AMZ1: variants seen among roughly 807,000 people sequenced by gnomAD.
AMZ1 encodes archaelysin family metallopeptidase 1.
Under a neutral mutation model 29.9 loss-of-function variants are expected in AMZ1, and 39 were observed. The observed-to-expected ratio is 1.30, with a 90% confidence interval of 1.01 to 1.70. The LOEUF is 1.70. AMZ1 is among the 40% of genes most tolerant of loss of function. The probability of loss-of-function intolerance (pLI) is 0.00; values close to 1 mark genes in which losing one functional copy is unlikely to be tolerated. For synonymous variants in AMZ1, 458 were observed against 304.0 expected, an observed-to-expected ratio of 1.51 and a Z score of -5.27; for missense variants, 1,041 against 680.6, an observed-to-expected ratio of 1.53 and a Z score of -5.89.
At chr7:2,720,699 C>A (rs1029211163), downstream of AMZ1, among the ~76,000 whole-genome samples, 1 of 151,358 alleles carries the variant, frequency 6.6e-6, no homozygotes, top group East Asian at 1.9e-4. Flanking sequence ...CTGCGCCCAG[C>A]CTTTAAAAAA....
At chr7:2,709,536 G>A in intron 5 of AMZ1, 104 bp from the exon 6 acceptor site, 32 of 1,480,612 alleles carry the variant, frequency 2.2e-5, no homozygotes, top group Non-Finnish European at 2.6e-5. Context: ...CCGGCCATCT[G>A]GCCTCACCCA....
chr7:2,737,812 T>C (rs1421528590), intron 4 of AMZ1, among the ~76,000 whole-genome samples: 1 of 152,228 alleles, frequency 6.6e-6, no homozygotes, highest in African/African-American at 2.4e-5. Context: ...TTTCATTACT[T>C]AATAAATAAA....
chr7:2,751,077 A>G (rs1222322919), intron 4 of AMZ1, among the ~76,000 whole-genome samples: 1 of 152,146 alleles, frequency 6.6e-6, no homozygotes, highest in Non-Finnish European at 1.5e-5. Flanking sequence ...TTTCGGGGAG[A>G]AATCTGTTGC....
intron 4 of AMZ1, among the ~76,000 whole-genome samples, chr7:2,736,270 G>A (rs1790170232): frequency 6.6e-6 from 1 of 152,198 alleles, no homozygotes; most frequent in African/African-American, 2.4e-5. Context: ...GGCTGCTGCG[G>A]TCACACGATC....
chr7:2,763,165 G>A (rs376226502), upstream of AMZ1: 44 of 1,084,808 alleles, frequency 4.1e-5, no homozygotes, highest in South Asian at 1.6e-3. Flanking sequence ...CTGACAAGAG[G>A]TTAGCAGGAC....
At chr7:2,697,998 CA>C (rs1360799749) in intron 1 of AMZ1, among the ~76,000 whole-genome samples, 2 of 152,050 alleles carry the variant, frequency 1.3e-5, no homozygotes, top group East Asian at 3.9e-4. Flanking sequence ...ACATTTTCCC[CA>C]AAAGAAAATA....
intron 4 of AMZ1, among the ~76,000 whole-genome samples, chr7:2,736,198 C>A (rs964477711): frequency 1.3e-5 from 2 of 152,144 alleles, no homozygotes; most frequent in African/African-American, 4.8e-5. Context: ...ATGAAATTAA[C>A]CGCTTGGTGG....
Position 2,699,291 on chromosome 7 carries a change from C to T in AMZ1, c.-218-943C>T, listed in dbSNP as rs141037215. On this transcript the variant is annotated intron_variant, in intron 1 of 6. Transcript: ENST00000683327. ...TGGGGTTGCCTAGCTGCTGCTGCTC[C>T]GGTCAGAGCATCTGTTTTGCAGGGC... is the stretch of plus-strand genomic sequence containing the variant. 6.2e-3 allele frequency among the ~76,000 whole-genome samples: 950 copies of T among 152,286 alleles called. 6 individuals carry two copies. The highest frequency in any genetic ancestry group is 0.026 in the South Asian group (125 of 4,826).
At chr7:2,721,007 G>T (rs140776884), downstream of AMZ1, among the ~76,000 whole-genome samples, 272 of 152,346 alleles carry the variant, frequency 1.8e-3, 3 homozygotes, top group African/African-American at 6.1e-3. Context: ...GAATGTCACA[G>T]CATGTTTCCT....
intron 4 of AMZ1, chr7:2,733,380 G>T: frequency 2.4e-6 from 3 of 1,252,078 alleles, no homozygotes; most frequent in South Asian, 2.5e-5. Context: ...TCACAACGTG[G>T]ACTGCTTTGG....
At chr7:2,748,164 A>C (rs1324358155) in intron 4 of AMZ1, among the ~76,000 whole-genome samples, 3 of 150,812 alleles carry the variant, frequency 2.0e-5, no homozygotes, top group Non-Finnish European at 4.4e-5. Flanking sequence ...AACTACTTTA[A>C]AGTTCATATG....
intron 1 of AMZ1, chr7:2,765,021 T>C (rs1791745851): frequency 6.6e-6 from 1 of 152,166 alleles, no homozygotes; most frequent in Non-Finnish European, 1.5e-5. Flanking sequence ...AACCTTTCCT[T>C]AAAGGAAAGG....
At chr7:2,705,513 A>G (rs1788301855) in intron 3 of AMZ1, among the ~76,000 whole-genome samples, 1 of 152,124 alleles carries the variant, frequency 6.6e-6, no homozygotes, top group South Asian at 2.1e-4. Flanking sequence ...TCTACCGGCC[A>G]CCAAACCTTT....
chr7:2,704,527 T>C (rs1302504848), intron 3 of AMZ1, among the ~76,000 whole-genome samples: 2 of 151,668 alleles, frequency 1.3e-5, no homozygotes, highest in Admixed American at 1.3e-4. Context: ...CTAATTTCAG[T>C]TGTCATGTTT....
chr7:2,743,856 C>A (rs902643917), intron 4 of AMZ1, among the ~76,000 whole-genome samples: 1 of 152,044 alleles, frequency 6.6e-6, no homozygotes, highest in Non-Finnish European at 1.5e-5. Flanking sequence ...GCTTAAAAAA[C>A]GGCACACCAG....
At chr7:2,722,416 G>A (rs561875591), downstream of AMZ1, among the ~76,000 whole-genome samples, 109 of 152,216 alleles carry the variant, frequency 7.2e-4, no homozygotes, top group Non-Finnish European at 1.2e-3. Context: ...GGGACTACAG[G>A]CGCCCGCCAC....
Position 2,709,185 on chromosome 7 carries a change from C to T in AMZ1, c.712C>T (p.Leu238=), listed in dbSNP as rs1242310856. 2 of 1,539,114 alleles carry T rather than the reference C, an allele frequency of 1.3e-6. No individual in the cohort carries two copies. Among genetic ancestry groups the T allele is most frequent in the Non-Finnish European group, 1.7e-6 (2 of 1,144,986 alleles). ...AGCAGCAGACGGCCCCGAGGCCCCCCTGCAGGACAGGGGCTGGGCCCTGTG... is the reference window on the plus strand; with the variant it reads ...AGCAGCAGACGGCCCCGAGGCCCCCTTGCAGGACAGGGGCTGGGCCCTGTG... ...EAAADGPEAP[L]QDRGWALCFS... Residue 238 remains leucine, a synonymous_variant, in exon 5 of 7, where the codon CTG becomes TTG. Transcript: ENST00000683327.
intron 3 of AMZ1, among the ~76,000 whole-genome samples, chr7:2,704,588 C>CT (rs60811216): frequency 0.027 from 2,297 of 83,814 alleles, 718 homozygotes; most frequent in African/African-American, 0.059. Flanking sequence ...CAGTGTCACG[C>CT]TTTTTTTTTT....
In AMZ1 at chr7:2,718,750, G is replaced by A. The variant is rs748902160; in HGVS notation, c.*5872G>A. Among the ~76,000 whole-genome samples, 9 of 152,232 alleles carry A rather than the reference G, an allele frequency of 5.9e-5. No homozygotes were observed. Among genetic ancestry groups the A allele is most frequent in the Non-Finnish European group, 1.0e-4 (7 of 68,054 alleles). The stretch of plus-strand genomic sequence containing the variant: ...GCAGCCGGGCTTGGTCTTGTGGTCA[G>A]GGAGAAGCGGGCAGGCCAGGGCCGA... On this transcript the variant is annotated 3_prime_UTR_variant, in exon 7 of 7. Transcript: ENST00000683327.
Sources: allele counts gnomAD v4.1 joint callset (sites outside exome capture counted in the v4.1 genomes callset), GRCh38; gene constraint gnomAD v4.1.1; transcripts MANE v1.5; gene names NCBI Gene and HGNC (gene_info 2026-07-23, HGNC 2026-07-21).